Variants in MTUS2 observed in about 807,000 individuals in gnomAD.
MTUS2 encodes microtubule associated scaffold protein 2.
Under a neutral mutation model 114.1 loss-of-function variants are expected in MTUS2, and 40 were observed. The ratio of observed to expected loss-of-function variants is 0.35; its 90% CI spans 0.27 to 0.46. The LOEUF is 0.46. Ranked by LOEUF, MTUS2 falls within the 20% of genes least tolerant of loss-of-function variation. MTUS2 has a pLI of 1.00. For missense variants in MTUS2, 1,679 were observed against 1,705.4 expected (o/e 0.98, Z 0.27); for synonymous variants, 688 against 672.0 (o/e 1.02, Z -0.37).
intron 10 of MTUS2, 55 bp from the exon 11 acceptor site, chr13:29,487,845 A>T: frequency 7.3e-7 from 1 of 1,376,360 alleles, no homozygotes; most frequent in Non-Finnish European, 1.0e-6. Context: ...ACGGAATTCC[A>T]CTTCTGTTCT....
intron 5 of MTUS2, among the ~76,000 whole-genome samples, chr13:29,275,483 A>G (rs1235604673): frequency 1.3e-5 from 2 of 152,062 alleles, no homozygotes; most frequent in Non-Finnish European, 1.5e-5. Flanking sequence ...TATTTTTTGT[A>G]CCCATTAACC....
intron 5 of MTUS2, among the ~76,000 whole-genome samples, chr13:29,116,242 A>G (rs1301507307): frequency 6.6e-6 from 1 of 152,246 alleles, no homozygotes; most frequent in African/African-American, 2.4e-5. Flanking sequence ...AATCCATAAG[A>G]TAGAATTAGA....
At chr13:29,371,406 T>TG (rs1871184090) in intron 8 of MTUS2, among the ~76,000 whole-genome samples, 1 of 151,914 alleles carries the variant, frequency 6.6e-6, no homozygotes, top group Admixed American at 6.6e-5. Context: ...TTAGTAGAGA[T>TG]GGGGTTTCAC....
chr13:29,476,653 C>A (rs1172817118), intron 9 of MTUS2: 1 of 152,166 alleles, frequency 6.6e-6, no homozygotes, highest in East Asian at 1.9e-4. Flanking sequence ...ATTTTCATCA[C>A]CCCTGAAAGA....
intron 5 of MTUS2, among the ~76,000 whole-genome samples, chr13:29,255,670 A>G (rs868228516): frequency 4.8e-4 from 69 of 142,500 alleles, no homozygotes; most frequent in African/African-American, 1.8e-3. Context: ...TCGACTCACA[A>G]CTCCTATCTA....
intron 2 of MTUS2, among the ~76,000 whole-genome samples, chr13:29,015,427 G>T (rs1403077283): frequency 2.0e-5 from 3 of 152,110 alleles, no homozygotes; most frequent in Non-Finnish European, 2.9e-5. Context: ...GAGGGTAGTA[G>T]GTATTTATTC....
Position 29,025,357 on chromosome 13 carries a change from T to G in MTUS2, c.659T>G (p.Leu220Trp). Residue 220 changes from leucine to tryptophan, a missense_variant, in exon 3 of 16, where the codon TTG becomes TGG. Around this residue, in one of 3 missense-constraint regions of MTUS2, gnomAD observed 843 missense variants for 770.8 expected, o/e 1.09. Coordinates refer to ENST00000612955, the MANE Select transcript of MTUS2 (RefSeq NM_001033602.4). Reference protein sequence around the residue: ...PGGGEGPQKTLPDHAVPAAFP... With the variant: ...PGGGEGPQKTWPDHAVPAAFP... Reference sequence around the variant, plus strand: ...GGTGGGGAGGGGCCACAGAAGACATTGCCAGACCACGCTGTCCCGGCAGCT... The same window carrying G: ...GGTGGGGAGGGGCCACAGAAGACATGGCCAGACCACGCTGTCCCGGCAGCT... The G allele has an allele frequency of 1.2e-6, 2 of 1,613,656 alleles. No homozygotes were observed. The highest frequency in any genetic ancestry group is 1.1e-5 in the South Asian group (1 of 91,062).
chr13:29,063,329 G>A (rs1248061161), intron 4 of MTUS2, among the ~76,000 whole-genome samples: 1 of 152,134 alleles, frequency 6.6e-6, no homozygotes, highest in African/African-American at 2.4e-5. Context: ...AATATACCCA[G>A]TTGTACCTGA....
chr13:29,449,952 G>A (rs1878571180), intron 9 of MTUS2, among the ~76,000 whole-genome samples: 1 of 152,234 alleles, frequency 6.6e-6, no homozygotes, highest in Non-Finnish European at 1.5e-5. Context: ...AGGAGCAGCT[G>A]TGGTTCTGCT....
At chr13:29,030,404 T>A (rs1483548646) in intron 3 of MTUS2, among the ~76,000 whole-genome samples, 1 of 152,186 alleles carries the variant, frequency 6.6e-6, no homozygotes, top group African/African-American at 2.4e-5. Context: ...TTTCCCTCCC[T>A]GTATCTGGGG....
intron 9 of MTUS2, among the ~76,000 whole-genome samples, chr13:29,449,200 A>T (rs1482517633): frequency 6.6e-6 from 1 of 152,184 alleles, no homozygotes; most frequent in Non-Finnish European, 1.5e-5. Context: ...TATAGAAAAA[A>T]ATTTTGAGAG....
chr13:29,126,563 G>A (rs1178821480), intron 5 of MTUS2, among the ~76,000 whole-genome samples: 2 of 152,100 alleles, frequency 1.3e-5, no homozygotes, highest in African/African-American at 4.8e-5. Context: ...ATGCAGCCCA[G>A]GATGGGTTTG....
At chr13:29,230,351 T>C (rs926179550) in intron 5 of MTUS2, among the ~76,000 whole-genome samples, 5 of 152,202 alleles carry the variant, frequency 3.3e-5, no homozygotes, top group African/African-American at 1.2e-4. Flanking sequence ...ACTGATAAAA[T>C]CACCTTGTGA....
chr13:29,035,435 G>T (rs2138527494), intron 4 of MTUS2, among the ~76,000 whole-genome samples: 1 of 152,276 alleles, frequency 6.6e-6, no homozygotes, highest in South Asian at 2.1e-4. Context: ...AGCTCCCTTG[G>T]CCCCTGAGCC....
chr13:28,858,442 C>G (rs1876770527), intron 2 of MTUS2, among the ~76,000 whole-genome samples: 1 of 152,126 alleles, frequency 6.6e-6, no homozygotes, highest in African/African-American at 2.4e-5. Context: ...TACTCTGTCC[C>G]TGGCTCTCCT....
intron 5 of MTUS2, among the ~76,000 whole-genome samples, chr13:29,137,737 C>T (rs1235569029): frequency 6.6e-6 from 1 of 151,914 alleles, no homozygotes; most frequent in Non-Finnish European, 1.5e-5. Flanking sequence ...CTGTCTCAGC[C>T]TCCCAGGTAG....
rs33929048 is a variant in MTUS2 at position 28,945,179 on chromosome 13, T to TTATATATATA, written c.-242-79271_-242-79262dup. Among the ~76,000 whole-genome samples, 39 of 147,246 alleles carry TTATATATATA rather than the reference T, an allele frequency of 2.6e-4. No individual in the cohort carries two copies. In the East Asian group the frequency reaches 5.7e-3, roughly 22 times the overall value. ...TTTTTTATGGATGAGTAGTATTCCA[T>TTATATATATA]TATATATATATATATACACCACATT... On this transcript the variant is annotated intron_variant, in intron 2 of 15. Transcript: ENST00000612955.
chr13:29,062,369 G>T (rs571200046), intron 4 of MTUS2, among the ~76,000 whole-genome samples: 5 of 152,336 alleles, frequency 3.3e-5, no homozygotes, highest in African/African-American at 7.2e-5. Flanking sequence ...TTAGGATTCT[G>T]TGTAGGTCTT....
intron 11 of MTUS2, among the ~76,000 whole-genome samples, chr13:29,491,197 G>C (rs1252522468): frequency 2.2e-5 from 1 of 46,322 alleles, no homozygotes; most frequent in East Asian, 1.3e-3. Context: ...TGTGGTGTAT[G>C]GTGGGGGTGT....
Sources: allele counts gnomAD v4.1 joint callset (sites outside exome capture counted in the v4.1 genomes callset), GRCh38; gene constraint gnomAD v4.1.1; regional missense constraint gnomAD v4.1.1; transcripts MANE v1.5; gene names NCBI Gene and HGNC (gene_info 2026-07-23, HGNC 2026-07-21).